Variants in PPP4R4 observed in about 807,000 individuals in gnomAD.
PPP4R4 encodes protein phosphatase 4 regulatory subunit 4, also known as serine/threonine-protein phosphatase 4 regulatory subunit 4.
In PPP4R4, 70 loss-of-function variants were observed where a neutral mutation model predicts 121.8. The observed-to-expected ratio is 0.57, with a 90% confidence interval of 0.47 to 0.70. The LOEUF is 0.70. Among genes scored for constraint, PPP4R4 ranks in the 30% least tolerant of loss-of-function variants. The pLI, the probability that PPP4R4 is intolerant of heterozygous loss-of-function variation, is 0.00. For synonymous variants in PPP4R4, 348 were observed against 355.7 expected, an observed-to-expected ratio of 0.98 and a Z score of 0.24; for missense variants, 875 against 1,033.6, an observed-to-expected ratio of 0.85 and a Z score of 2.10.
chr14:94,248,763 C>A (rs1432041441), intron 14 of PPP4R4, among the ~76,000 whole-genome samples: 1 of 152,108 alleles, frequency 6.6e-6, no homozygotes, highest in Non-Finnish European at 1.5e-5. Flanking sequence ...TGAAGAAGTG[C>A]ATTCCTTTGT....
rs1326710745 is a variant in PPP4R4, at chr14:94,240,773, A to G, written c.954A>G (p.Gly318=). 3 of 1,604,084 alleles carry G rather than the reference A, an allele frequency of 1.9e-6. No homozygotes were observed. The African/African-American group carries it at 4.0e-5, about 22-fold the overall frequency. Residue 318 remains glycine (G), a synonymous_variant, in exon 9 of 25, where the codon GGA becomes GGG. Transcript: ENST00000304338. The part of the protein sequence containing the change: ...SILISLSFHL[G]KLCHGLYGIF... ...TTATTTCTTTATCTTTCCATTTAGG[A>G]AAACTATGTCATGGACTATATGGTA...
At chr14:94,199,447 C>G (rs1170742992) in intron 2 of PPP4R4, among the ~76,000 whole-genome samples, 4 of 152,116 alleles carry the variant, frequency 2.6e-5, no homozygotes, top group Non-Finnish European at 5.9e-5. Flanking sequence ...ACAGGGTGCT[C>G]TTTCAGTTTT....
chr14:94,253,974 T>TC (rs1893329608), intron 16 of PPP4R4, among the ~76,000 whole-genome samples: 1 of 152,204 alleles, frequency 6.6e-6, no homozygotes, highest in Admixed American at 6.5e-5. Context: ...GGAGCCACAC[T>TC]CCCTGAGCTG....
intron 2 of PPP4R4, among the ~76,000 whole-genome samples, chr14:94,192,422 A>G (rs973875995): frequency 6.6e-6 from 1 of 152,122 alleles, no homozygotes; most frequent in South Asian, 2.1e-4. Context: ...GTAATCATTT[A>G]ATTTATTTTG....
chr14:94,229,835 C>T (rs1891915126), intron 3 of PPP4R4, among the ~76,000 whole-genome samples: 1 of 152,112 alleles, frequency 6.6e-6, no homozygotes, highest in Non-Finnish European at 1.5e-5. Context: ...CACACACAAA[C>T]ACACACACTT....
chr14:94,188,842 T>C (rs1251428420), intron 2 of PPP4R4, among the ~76,000 whole-genome samples: 2 of 152,162 alleles, frequency 1.3e-5, no homozygotes, highest in African/African-American at 4.8e-5. Context: ...CTTTGTAGCC[T>C]GTAAATACAT....
At chr14:94,187,534 A>G (rs1017665864) in intron 2 of PPP4R4, among the ~76,000 whole-genome samples, 1 of 152,202 alleles carries the variant, frequency 6.6e-6, no homozygotes, top group Non-Finnish European at 1.5e-5. Flanking sequence ...TTATTAATAC[A>G]TAATCATGGT....
chr14:94,227,229 C>A, intron 3 of PPP4R4: 2 of 1,352,386 alleles, frequency 1.5e-6, no homozygotes, highest in Non-Finnish European at 1.0e-6. Context: ...GGAATGGTAA[C>A]TGGCTTAAGG....
intron 3 of PPP4R4, among the ~76,000 whole-genome samples, chr14:94,219,080 CTTTTTTTTT>C (rs71301922): frequency 9.3e-6 from 1 of 106,954 alleles, no homozygotes; most frequent in African/African-American, 3.5e-5. Flanking sequence ...CTTTTCTTTT[CTTTTTTTTT>C]TTTTTTTGAG....
intron 2 of PPP4R4, among the ~76,000 whole-genome samples, chr14:94,179,165 C>G (rs1888837943): frequency 6.6e-6 from 1 of 152,202 alleles, no homozygotes; most frequent in Non-Finnish European, 1.5e-5. Flanking sequence ...TCACTGCAAT[C>G]AATTTTAGAA....
intron 23 of PPP4R4, among the ~76,000 whole-genome samples, chr14:94,268,900 A>C (rs1386145777): frequency 6.6e-6 from 1 of 152,214 alleles, no homozygotes; most frequent in Non-Finnish European, 1.5e-5. Context: ...ACACAGAGCC[A>C]AACTATATCA....
chr14:94,274,085 G>A (rs901452852), intron 23 of PPP4R4, among the ~76,000 whole-genome samples: 2 of 152,026 alleles, frequency 1.3e-5, no homozygotes, highest in African/African-American at 2.4e-5. Flanking sequence ...CCACTTATAA[G>A]TGAAAACAGG....
intron 10 of PPP4R4, 87 bp from the exon 11 acceptor site, chr14:94,242,202 C>A: frequency 1.4e-6 from 2 of 1,440,214 alleles, no homozygotes; most frequent in Non-Finnish European, 1.9e-6. Flanking sequence ...AACATGATTT[C>A]AATTTAAGTG....
At chr14:94,221,706 C>T (rs556452150) in intron 3 of PPP4R4, among the ~76,000 whole-genome samples, 6 of 152,054 alleles carry the variant, frequency 3.9e-5, no homozygotes, top group South Asian at 4.1e-4. Context: ...ATTGACCATA[C>T]GAAGTATTGT....
At chr14:94,228,856 TAA>T (rs1189808106) in intron 3 of PPP4R4, among the ~76,000 whole-genome samples, 1 of 152,090 alleles carries the variant, frequency 6.6e-6, no homozygotes, top group Non-Finnish European at 1.5e-5. Flanking sequence ...TGGATGATGG[TAA>T]TGAATAAACT....
chr14:94,219,903 C>T (rs1357889357), intron 3 of PPP4R4, among the ~76,000 whole-genome samples: 1 of 152,030 alleles, frequency 6.6e-6, no homozygotes, highest in Non-Finnish European at 1.5e-5. Flanking sequence ...TTAGTCTAGT[C>T]TAGGCAAGAT....
intron 3 of PPP4R4, among the ~76,000 whole-genome samples, chr14:94,225,491 G>A (rs1273832798): frequency 1.3e-5 from 2 of 152,150 alleles, no homozygotes; most frequent in African/African-American, 2.4e-5. Flanking sequence ...TCCTTTGCAG[G>A]GGAGGACAGC....
intron 3 of PPP4R4, among the ~76,000 whole-genome samples, chr14:94,217,057 C>T (rs1891059969): frequency 6.6e-6 from 1 of 152,194 alleles, no homozygotes; most frequent in South Asian, 2.1e-4. Context: ...AGTTACATTC[C>T]TGAGGCCCAG....
At chr14:94,175,036 G>A (rs951052581) in intron 1 of PPP4R4, among the ~76,000 whole-genome samples, 2 of 141,966 alleles carry the variant, frequency 1.4e-5, no homozygotes, top group Admixed American at 1.5e-4. Flanking sequence ...GTCCTCTCCT[G>A]GGCTCCCCAA....
Sources: allele counts gnomAD v4.1 joint callset (sites outside exome capture counted in the v4.1 genomes callset), GRCh38; gene constraint gnomAD v4.1.1; transcripts MANE v1.5; gene names NCBI Gene and HGNC (gene_info 2026-07-23, HGNC 2026-07-21).